The following FAP variants were observed in gnomAD, a reference collection of about 807,000 sequenced individuals.
The protein encoded by FAP is prolyl endopeptidase FAP.
FAP carries 110 observed loss-of-function variants against 126.5 expected under a neutral mutation model. The observed-to-expected ratio is 0.87, with a 90% CI of 0.74 to 1.02. The LOEUF (loss-of-function observed/expected upper bound fraction) is 1.02. Among genes scored for constraint, FAP ranks in the 50% least tolerant of loss-of-function variants. The probability of loss-of-function intolerance (pLI) is 0.00; values close to 1 mark genes in which losing one functional copy is unlikely to be tolerated. For missense variants in FAP, 919 were observed against 909.2 expected (o/e 1.01, Z -0.14); for synonymous variants, 334 against 297.3 (o/e 1.12, Z -1.27).
At chr2:162,241,902 A>T (rs1690367451) in intron 2 of FAP, among the ~76,000 whole-genome samples, 1 of 152,122 alleles carries the variant, frequency 6.6e-6, no homozygotes. Context: ...TGAAAATCTC[A>T]TGATTATTTT....
At chr2:162,196,566 C>T (rs1032521351) in intron 16 of FAP, among the ~76,000 whole-genome samples, 4 of 146,572 alleles carry the variant, frequency 2.7e-5, no homozygotes, top group Admixed American at 6.9e-5. Flanking sequence ...AAATGACTGA[C>T]TGTATTTGAC....
intron 8 of FAP, among the ~76,000 whole-genome samples, chr2:162,218,559 G>C (rs1177029901): frequency 7.2e-6 from 1 of 139,154 alleles, no homozygotes; most frequent in Non-Finnish European, 1.6e-5. Flanking sequence ...AACACAGTTA[G>C]TTTAGATAGA....
At chr2:162,195,402 T>C (rs1467026415) in intron 16 of FAP, among the ~76,000 whole-genome samples, 1 of 151,854 alleles carries the variant, frequency 6.6e-6, no homozygotes, top group African/African-American at 2.4e-5. Context: ...CCTAGATAGC[T>C]TGTAGAGTTG....
intron 8 of FAP, 33 bp downstream of exon 8, chr2:162,219,030 A>C: frequency 6.5e-7 from 1 of 1,530,970 alleles, no homozygotes; most frequent in Non-Finnish European, 8.8e-7. Flanking sequence ...TAAAAGCCTA[A>C]AGCATTAGCA....
intron 22 of FAP, among the ~76,000 whole-genome samples, chr2:162,174,329 T>C: frequency 6.6e-6 from 1 of 152,320 alleles, no homozygotes; most frequent in East Asian, 1.9e-4. Flanking sequence ...AGCTAATTTT[T>C]GTAAAATTAT....
At chr2:162,201,582 C>A (rs192047292) in intron 14 of FAP, among the ~76,000 whole-genome samples, 169 of 152,250 alleles carry the variant, frequency 1.1e-3, no homozygotes, top group African/African-American at 3.7e-3. Flanking sequence ...CTGATTGTCT[C>A]CCTCTCTAAC....
intron 17 of FAP, among the ~76,000 whole-genome samples, chr2:162,193,153 G>T (rs1330637978): frequency 6.6e-6 from 1 of 152,096 alleles, no homozygotes; most frequent in Non-Finnish European, 1.5e-5. Context: ...GACACCAAAT[G>T]CAATGTAAAT....
At position 162,188,326 on chromosome 2, in the gene FAP, A is replaced by G. The variant is rs773244872; in HGVS notation, c.1657T>C (p.Phe553Leu). ...GPCSQSVRSV[F>L]AVNWISYLAS... ...AGATAAGATATCCAATTAACAGCAAATACAGACCTTACACTCTGACTGCAG... is the reference window on the plus strand; with the variant it reads ...AGATAAGATATCCAATTAACAGCAAGTACAGACCTTACACTCTGACTGCAG... Residue 553 changes from phenylalanine (F) to leucine (L), a missense_variant, in exon 20 of 26, where the codon TTT becomes CTT. Physicochemically the swap from Phe to Leu is conservative, Grantham distance 22. Transcript: ENST00000188790. 19 of 1,613,148 alleles carry G rather than the reference A, an allele frequency of 1.2e-5. No homozygotes were observed. The highest frequency in any genetic ancestry group is 2.7e-5 in the African/African-American group (2 of 74,858).
chr2:162,219,082 G>A lies in FAP; in HGVS notation c.588C>T (p.Ile196=), dbSNP rs1249825754. ...GCTTACCTTCATAAACCCAGTCTGG[G>A]ATTCCATTAAATATTTTATTTTCTC... ...NGRENKIFNG[I]PDWVYEEEML... The change falls in exon 8 of 26, where the codon ATC becomes ATT. Residue 196 remains isoleucine (I), a synonymous_variant. Transcript: ENST00000188790. 6.2e-7 allele frequency: 1 copy of A among 1,603,898 alleles called. No homozygotes were observed. The highest frequency in any genetic ancestry group is 8.5e-7 in the Non-Finnish European group (1 of 1,174,502).
chr2:162,215,315 C>A (rs1689120263), intron 10 of FAP, among the ~76,000 whole-genome samples: 2 of 152,176 alleles, frequency 1.3e-5, no homozygotes, highest in African/African-American at 2.4e-5. Context: ...CCCTTAGCCA[C>A]TTCAACCAGA....
At chr2:162,185,137 G>A (rs1311186530) in intron 20 of FAP, among the ~76,000 whole-genome samples, 1 of 152,136 alleles carries the variant, frequency 6.6e-6, no homozygotes, top group African/African-American at 2.4e-5. Flanking sequence ...AAATACTGTT[G>A]ATAATGTGGT....
intron 9 of FAP, among the ~76,000 whole-genome samples, chr2:162,216,321 A>T (rs901419653): frequency 6.6e-6 from 1 of 152,168 alleles, no homozygotes; most frequent in East Asian, 1.9e-4. Flanking sequence ...TCCAAGACAG[A>T]TCTCTCTCAT....
intron 12 of FAP, among the ~76,000 whole-genome samples, chr2:162,208,850 C>A (rs1688811927): frequency 6.8e-6 from 1 of 148,044 alleles, no homozygotes; most frequent in Admixed American, 6.7e-5. Context: ...GAATTACATA[C>A]TTATCTTTAT....
chr2:162,211,757 C>T (rs939361974), intron 11 of FAP, among the ~76,000 whole-genome samples: 10 of 152,088 alleles, frequency 6.6e-5, no homozygotes, highest in African/African-American at 2.2e-4. Context: ...TGTTTCTTCC[C>T]CTAACTATAA....
chr2:162,199,564 C>T (rs140952928), intron 15 of FAP, among the ~76,000 whole-genome samples: 6 of 152,228 alleles, frequency 3.9e-5, no homozygotes, highest in African/African-American at 1.2e-4. Flanking sequence ...GGACCTTATC[C>T]GACACCCTCA....
At chr2:162,190,449 T>TA (rs1687998307) in intron 17 of FAP, among the ~76,000 whole-genome samples, 1 of 151,922 alleles carries the variant, frequency 6.6e-6, no homozygotes, top group African/African-American at 2.4e-5. Context: ...TCTTAAATCT[T>TA]TAAAAAATCT....
rs149046822 is a variant in FAP at position 162,183,451 on chromosome 2, C to A, written c.1832G>T (p.Gly611Val). 1 of 1,609,620 alleles carries A rather than the reference C, an allele frequency of 6.2e-7. No individual in the cohort carries two copies. The highest frequency in any genetic ancestry group is 8.5e-7 in the Non-Finnish European group (1 of 1,177,084). The change falls in exon 21 of 26, where the codon GGT (glycine) becomes GTT (valine). Residue 611 changes from glycine (G) to valine (V), a missense_variant. Coordinates refer to ENST00000188790, the MANE Select transcript of FAP (RefSeq NM_004460.5). ...GGCTATTCTTTTTTCATCAATGAAA[C>A]CCATTTCTATGAATTTTCTAAAGTA... Reference protein sequence around the residue: ...ITAVRKFIEMGFIDEKRIAIW... With the variant: ...ITAVRKFIEMVFIDEKRIAIW...
At chr2:162,184,811 T>C (rs1421944463) in intron 20 of FAP, among the ~76,000 whole-genome samples, 1 of 152,124 alleles carries the variant, frequency 6.6e-6, no homozygotes, top group Non-Finnish European at 1.5e-5. Flanking sequence ...TTGAAGACAG[T>C]TCTGAGCCAT....
At chr2:162,224,438 G>A (rs745661013) in intron 5 of FAP, 28 bp downstream of exon 5, 3 of 1,354,196 alleles carry the variant, frequency 2.2e-6, no homozygotes, top group Non-Finnish European at 2.1e-6. Flanking sequence ...AGATACAATT[G>A]GATATAACCA....
Sources: gnomAD v4.1 joint callset for allele counts (sites outside exome capture counted in the v4.1 genomes callset) on GRCh38, gnomAD v4.1.1 for gene constraint, MANE v1.5 for transcripts, NCBI Gene and HGNC (gene_info 2026-07-23, HGNC 2026-07-21) for gene names.